Variants in MOB2 observed in about 807,000 individuals in gnomAD.
MOB2 encodes MOB kinase activator 2.
A neutral mutation model predicts 27.4 loss-of-function variants in MOB2; 14 were observed. The ratio of observed to expected loss-of-function variants is 0.51; its 90% confidence interval spans 0.34 to 0.80. The LOEUF is 0.80. Ranked by LOEUF, MOB2 falls within the 30% of genes least tolerant of loss-of-function variation. The probability of loss-of-function intolerance (pLI) is 0.01; values close to 1 mark genes in which losing one functional copy is unlikely to be tolerated. For synonymous variants in MOB2, 167 were observed against 151.8 expected (o/e 1.10, Z -0.74); for missense variants, 304 against 354.6 (o/e 0.86, Z 1.15).
In MOB2 at chr11:1,469,759, G is replaced by T; in HGVS notation, c.*413C>A. On this transcript the variant is annotated 3_prime_UTR_variant, in exon 5 of 5. Coordinates refer to ENST00000329957, the MANE Select transcript of MOB2 (RefSeq NM_001172223.3). Reference sequence around the variant, plus strand: ...GGAAGGAGGGTCTCTGTGAAAGCAAGCCCCACCCCCAGAGCAGAGCAGAGA... The same window carrying T: ...GGAAGGAGGGTCTCTGTGAAAGCAATCCCCACCCCCAGAGCAGAGCAGAGA... 2.1e-6 allele frequency: 1 copy of T among 474,510 alleles called. No homozygotes were observed. The highest frequency in any genetic ancestry group is 4.2e-6 in the Non-Finnish European group (1 of 239,476). The allele number at this position is 474,510 out of a possible 1,614,324, so 29.4% of individuals were successfully genotyped here.
At chr11:1,481,213 C>T (rs750103289) in intron 1 of MOB2, 57 of 426,200 alleles carry the variant, frequency 1.3e-4, no homozygotes, top group Admixed American at 4.7e-4. Context: ...GGGCCCCCAG[C>T]GCCCACCTTC....
intron 3 of MOB2, among the ~76,000 whole-genome samples, chr11:1,474,112 G>T (rs574022470): frequency 6.6e-6 from 1 of 152,238 alleles, no homozygotes; most frequent in Non-Finnish European, 1.5e-5. Flanking sequence ...TGTCCCGACC[G>T]GCATGTGGGC....
At chr11:1,478,241 G>A (rs1252482588) in intron 3 of MOB2, among the ~76,000 whole-genome samples, 2 of 152,202 alleles carry the variant, frequency 1.3e-5, no homozygotes, top group Admixed American at 6.5e-5. Context: ...AGGCCCCACG[G>A]CCGCCCTGGG....
At position 1,486,483 on chromosome 11, in the gene MOB2, C is replaced by T. The variant is rs1847971088; in HGVS notation, c.74G>A (p.Cys25Tyr). 2 of 1,535,912 alleles carry T rather than the reference C, an allele frequency of 1.3e-6. No individual in the cohort carries two copies. The highest frequency in any genetic ancestry group is 3.3e-4 in the Middle Eastern group (2 of 5,988). ...GCTGACAGCCTGAAGCACCATTTTG[C>T]AGCAGAGTCCACTTTGCAGGGACTG... ...PGQSLQSGLC[C>Y]KMVLQAVSKV... is the part of the protein sequence containing the mutation. The change falls in exon 1 of 5, where the codon TGC becomes TAC. Residue 25 changes from cysteine to tyrosine, a missense_variant. Cys to Tyr is a radical substitution (Grantham distance 194). Transcript: ENST00000329957.
chr11:1,477,659 C>T (rs1156512808), intron 3 of MOB2, among the ~76,000 whole-genome samples: 3 of 152,100 alleles, frequency 2.0e-5, no homozygotes, highest in African/African-American at 7.2e-5. Flanking sequence ...GATCCAGTGA[C>T]GTGGTCAGTG....
chr11:1,472,712 C>CA (rs1847807754), intron 3 of MOB2: 1 of 152,574 alleles, frequency 6.6e-6, no homozygotes, highest in South Asian at 2.1e-4. Context: ...CAGAGCCCAC[C>CA]AAGGCACCTG....
chr11:1,471,928 C>G (rs1847797551), intron 3 of MOB2: 1 of 153,568 alleles, frequency 6.5e-6, no homozygotes, highest in South Asian at 2.0e-4. Context: ...GGGCGGTGGT[C>G]TCTGTGGGTA....
intron 1 of MOB2, among the ~76,000 whole-genome samples, chr11:1,484,711 A>G (rs912326897): frequency 7.9e-5 from 12 of 151,922 alleles, no homozygotes; most frequent in Admixed American, 3.3e-4. Context: ...TGAAAACTGC[A>G]TTTCTAACAC....
In MOB2 at chr11:1,470,101, C is replaced by T. The variant is rs1396156320; in HGVS notation, c.*71G>A. 1.9e-6 allele frequency: 3 copies of T among 1,547,258 alleles called. No individual in the cohort carries two copies. Among genetic ancestry groups the T allele is most frequent in the South Asian group, 1.2e-5 (1 of 84,204 alleles). The stretch of plus-strand genomic sequence containing the variant: ...CACGCGTGCCCAGCACATGTGTGCA[C>T]ACGCAGATGCAGGAGAGAACACACA... On this transcript the variant is annotated 3_prime_UTR_variant, in exon 5 of 5. Transcript: ENST00000329957.
intron 1 of MOB2, among the ~76,000 whole-genome samples, chr11:1,483,859 G>A (rs141365663): frequency 1.5e-3 from 234 of 152,318 alleles, no homozygotes; most frequent in Non-Finnish European, 2.4e-3. Context: ...AGGGGCACAG[G>A]GAGGCATCAG....
intron 3 of MOB2, among the ~76,000 whole-genome samples, chr11:1,479,229 G>A (rs1430569682): frequency 6.6e-6 from 1 of 152,212 alleles, no homozygotes; most frequent in African/African-American, 2.4e-5. Flanking sequence ...CGCTGAGCCA[G>A]CACTTGGCCA....
chr11:1,480,441 G>A lies in MOB2; in HGVS notation c.317C>T (p.Ser106Phe), dbSNP rs750183261. ...ACACGTCTCTCCTGTGCAGAACTCG[G>A]AGATGGTGCTATACTGCAGGTTGAT... ...HHINLQYSTISEFCTGETCQT... is the reference protein window; with the variant it reads ...HHINLQYSTIFEFCTGETCQT... Residue 106 changes from serine to phenylalanine, a missense_variant, in exon 3 of 5, where the codon TCC (serine) becomes TTC (phenylalanine). Ser to Phe is a radical substitution (Grantham distance 155). Coordinates refer to ENST00000329957, the MANE Select transcript of MOB2 (RefSeq NM_001172223.3). 2.8e-5 allele frequency: 45 copies of A among 1,613,860 alleles called. No individual in the cohort carries two copies. Among genetic ancestry groups the A allele is most frequent in the Non-Finnish European group, 3.7e-5 (44 of 1,179,874 alleles).
At chr11:1,482,275 C>T (rs1370574134) in intron 1 of MOB2, among the ~76,000 whole-genome samples, 3 of 152,232 alleles carry the variant, frequency 2.0e-5, no homozygotes, top group East Asian at 1.9e-4. Flanking sequence ...ACCTGGTGGT[C>T]GGTCACGCAG....
intron 3 of MOB2, among the ~76,000 whole-genome samples, chr11:1,475,654 T>TC (rs1301903527): frequency 6.6e-6 from 1 of 152,010 alleles, no homozygotes; most frequent in Admixed American, 6.6e-5. Flanking sequence ...TATCAGGGGG[T>TC]CCCTTGCTGG....
chr11:1,477,300 G>A (rs1590764179), intron 3 of MOB2, among the ~76,000 whole-genome samples: 2 of 152,102 alleles, frequency 1.3e-5, no homozygotes, highest in Admixed American at 1.3e-4. Context: ...CTTATTCCTG[G>A]TCACTTCCTT....
Position 1,486,523 on chromosome 11 carries a change from G to A in MOB2, c.34C>T (p.Gln12Ter). ...TGCAGGGACTGGCCGGGCCGGGCTT[G>A]GTCTTCAGGGAGACTGCAGTGGTCT... ...LGDHCSLPEDQARPGQSLQSG... is the reference protein window; with the variant it reads ...LGDHCSLPED Residue 12 changes from glutamine to a stop codon, truncating the protein, a stop_gained, in exon 1 of 5, where the codon CAA becomes TAA. Coordinates refer to ENST00000329957, the MANE Select transcript of MOB2 (RefSeq NM_001172223.3). LOFTEE classifies it high-confidence loss of function. 6.5e-7 allele frequency: 1 copy of A among 1,535,800 alleles called. No individual in the cohort carries two copies. The highest frequency in any genetic ancestry group is 8.7e-7 in the Non-Finnish European group (1 of 1,146,762).
At chr11:1,475,256 T>A (rs1208870154) in intron 3 of MOB2, among the ~76,000 whole-genome samples, 1 of 152,250 alleles carries the variant, frequency 6.6e-6, no homozygotes, top group Non-Finnish European at 1.5e-5. Context: ...ATGACTGATT[T>A]GTGCGTGTTG....
rs189847212 is a variant in MOB2 at position 1,485,361 on chromosome 11, C to T, written c.110+1086G>A. On this transcript the variant is annotated intron_variant, in intron 1 of 4. Transcript: ENST00000329957. ...TGTCAGGCACCATTCCTGATTTGAA[C>T]TCACGAGTACTGCCAACTTGCCCAC... 2.6e-5 allele frequency among the ~76,000 whole-genome samples: 4 copies of T among 152,332 alleles called. No homozygotes were observed. The East Asian group carries it at 7.7e-4, about 29-fold the overall frequency.
chr11:1,484,734 C>T (rs985344241), intron 1 of MOB2, among the ~76,000 whole-genome samples: 5 of 152,100 alleles, frequency 3.3e-5, no homozygotes, highest in Non-Finnish European at 4.4e-5. Flanking sequence ...TGTTCTAACC[C>T]GAGTTCTCCC....
Sources: allele counts gnomAD v4.1 joint callset (sites outside exome capture counted in the v4.1 genomes callset), GRCh38; gene constraint gnomAD v4.1.1; transcripts MANE v1.5; gene names NCBI Gene and HGNC (gene_info 2026-07-23, HGNC 2026-07-21).